DGKB: variants seen among roughly 807,000 people sequenced by gnomAD.
DGKB encodes 90 kDa diacylglycerol kinase.
A neutral mutation model predicts 114.3 loss-of-function variants in DGKB; 67 were observed. The ratio of observed to expected loss-of-function variants is 0.59; its 90% CI spans 0.48 to 0.72. The LOEUF (loss-of-function observed/expected upper bound fraction) is 0.72. Ranked by LOEUF, DGKB falls within the 30% of genes least tolerant of loss-of-function variation. DGKB has a pLI of 0.00. For synonymous variants in DGKB, 398 were observed against 323.1 expected (o/e 1.23, Z -2.49); for missense variants, 907 against 975.2 (o/e 0.93, Z 0.93).
intron 2 of DGKB, among the ~76,000 whole-genome samples, chr7:14,806,225 A>G (rs1562584628): frequency 6.6e-6 from 1 of 152,006 alleles, no homozygotes; most frequent in African/African-American, 2.4e-5. Context: ...CTATGTTGTG[A>G]TGTTTATAAA....
At chr7:14,254,004 G>A (rs1179192347) in intron 23 of DGKB, among the ~76,000 whole-genome samples, 2 of 152,200 alleles carry the variant, frequency 1.3e-5, no homozygotes, top group South Asian at 2.1e-4. Context: ...ACATTAAGCT[G>A]TTTAGACTCA....
At chr7:14,563,640 T>G (rs1242851451) in intron 20 of DGKB, among the ~76,000 whole-genome samples, 1 of 128,882 alleles carries the variant, frequency 7.8e-6, no homozygotes, top group Non-Finnish European at 1.7e-5. Flanking sequence ...ATCATACAAC[T>G]CTGTTTTTTT....
chr7:14,185,934 A>G (rs1278923824), intron 23 of DGKB, among the ~76,000 whole-genome samples: 2 of 152,238 alleles, frequency 1.3e-5, no homozygotes, highest in African/African-American at 4.8e-5. Flanking sequence ...AACATTGGAA[A>G]AACTCTCCTA....
intron 20 of DGKB, among the ~76,000 whole-genome samples, chr7:14,522,619 G>C (rs1488873183): frequency 6.6e-6 from 1 of 152,138 alleles, no homozygotes; most frequent in Non-Finnish European, 1.5e-5. Context: ...AAAGGGGGTG[G>C]ATGGGAGCAT....
intron 23 of DGKB, among the ~76,000 whole-genome samples, chr7:14,321,026 C>T (rs1209989416): frequency 1.3e-5 from 2 of 152,158 alleles, no homozygotes; most frequent in Non-Finnish European, 2.9e-5. Flanking sequence ...AAAGGTGGCT[C>T]ATGCCAGTAA....
intron 20 of DGKB, among the ~76,000 whole-genome samples, chr7:14,504,285 A>G (rs1285655553): frequency 6.6e-6 from 1 of 152,176 alleles, no homozygotes; most frequent in Non-Finnish European, 1.5e-5. Context: ...CTGTGTATGG[A>G]GTAGCTGGTT....
intron 22 of DGKB, among the ~76,000 whole-genome samples, chr7:14,342,914 G>A (rs143374205): frequency 3.5e-4 from 53 of 151,888 alleles, no homozygotes; most frequent in African/African-American, 1.2e-3. Flanking sequence ...AATAAAACAT[G>A]TATCTATTGC....
At chr7:14,761,794 G>A (rs751463289) in intron 2 of DGKB, among the ~76,000 whole-genome samples, 3 of 152,148 alleles carry the variant, frequency 2.0e-5, no homozygotes, top group Non-Finnish European at 4.4e-5. Flanking sequence ...TCTGTAATGG[G>A]AGAAAGAACC....
At chr7:14,608,749 G>A (rs1027349883) in intron 16 of DGKB, among the ~76,000 whole-genome samples, 19 of 151,920 alleles carry the variant, frequency 1.3e-4, no homozygotes, top group African/African-American at 4.3e-4. Flanking sequence ...CAAAATAAAT[G>A]TATAAAAATC....
chr7:14,388,122 T>G (rs1820722448), intron 21 of DGKB, among the ~76,000 whole-genome samples: 1 of 151,116 alleles, frequency 6.6e-6, no homozygotes, highest in Non-Finnish European at 1.5e-5. Context: ...TGTGATCCAC[T>G]CGCCTTGGCC....
At chr7:14,603,342 C>T (rs1015868887) in intron 17 of DGKB, among the ~76,000 whole-genome samples, 2 of 151,982 alleles carry the variant, frequency 1.3e-5, no homozygotes, top group Non-Finnish European at 2.9e-5. Flanking sequence ...TTGAAATTTG[C>T]AACAGAGCTC....
intron 1 of DGKB, among the ~76,000 whole-genome samples, chr7:14,886,381 G>C (rs761809975): frequency 5.3e-5 from 8 of 151,790 alleles, no homozygotes; most frequent in Non-Finnish European, 1.0e-4. Flanking sequence ...AGTAGGAGAT[G>C]AGGACGGCTC....
At chr7:14,715,543 C>T (rs770087742) in intron 6 of DGKB, among the ~76,000 whole-genome samples, 2 of 152,056 alleles carry the variant, frequency 1.3e-5, no homozygotes, top group African/African-American at 2.4e-5. Context: ...CACACATGCA[C>T]GTATGCATGC....
At position 14,214,324 on chromosome 7, in the gene DGKB, C is replaced by A. The variant is rs374434205; in HGVS notation, c.2123-36173G>T. Among the ~76,000 whole-genome samples the A allele has an allele frequency of 2.2e-4, 33 of 152,192 alleles. 2 individuals carry two copies. The highest frequency in any genetic ancestry group is 1.5e-3 in the East Asian group (8 of 5,170). On this transcript the variant is annotated intron_variant, in intron 23 of 25. Coordinates refer to ENST00000402815, the MANE Select transcript of DGKB (RefSeq NM_001350709.2). Reference sequence around the variant, plus strand: ...TTTTAACTTTCTTGGATATGGCACGCTCTTTCTTCTTTTGGGGATTTCATT... The same window carrying A: ...TTTTAACTTTCTTGGATATGGCACGATCTTTCTTCTTTTGGGGATTTCATT...
chr7:14,794,978 T>A (rs1841198338), intron 2 of DGKB, among the ~76,000 whole-genome samples: 1 of 152,140 alleles, frequency 6.6e-6, no homozygotes, highest in Non-Finnish European at 1.5e-5. Context: ...GAAACTGTAA[T>A]GACCTCCCCC....
chr7:14,496,468 G>A (rs1393821386), intron 20 of DGKB, among the ~76,000 whole-genome samples: 3 of 151,566 alleles, frequency 2.0e-5, no homozygotes, highest in Non-Finnish European at 4.4e-5. Context: ...TGGTATAAGG[G>A]TACAATATAA....
chr7:14,534,472 TAAATGAA>T (rs1327875271), intron 20 of DGKB, among the ~76,000 whole-genome samples: 3 of 152,072 alleles, frequency 2.0e-5, no homozygotes, highest in Non-Finnish European at 2.9e-5. Flanking sequence ...ACTTTAAATG[TAAATGAA>T]TTAAACGGTT....
chr7:14,416,816 G>C (rs1232390554), intron 21 of DGKB, among the ~76,000 whole-genome samples: 1 of 151,988 alleles, frequency 6.6e-6, no homozygotes, highest in Non-Finnish European at 1.5e-5. Flanking sequence ...TTTTTACTGG[G>C]TTTAAATTAG....
intron 21 of DGKB, among the ~76,000 whole-genome samples, chr7:14,372,298 C>A (rs1290512920): frequency 2.0e-5 from 3 of 152,104 alleles, no homozygotes; most frequent in Non-Finnish European, 4.4e-5. Flanking sequence ...TGGTTGATTC[C>A]TTTTTTCCTT....
Sources: gnomAD v4.1 joint callset for allele counts (sites outside exome capture counted in the v4.1 genomes callset) on GRCh38, gnomAD v4.1.1 for gene constraint, MANE v1.5 for transcripts, NCBI Gene and HGNC (gene_info 2026-07-23, HGNC 2026-07-21) for gene names.